The following FER1L5 variants were observed in gnomAD, a reference collection of about 807,000 sequenced individuals.
FER1L5 encodes fer-1 like family member 5.
In FER1L5, 187 loss-of-function variants were observed where a neutral mutation model predicts 279.9. That is an observed-to-expected ratio of 0.67 (90% CI 0.59 to 0.75). FER1L5 has a LOEUF of 0.75. FER1L5 is among the 30% of genes least tolerant of loss of function. The probability of loss-of-function intolerance (pLI) is 0.00; values close to 1 mark genes in which losing one functional copy is unlikely to be tolerated. For synonymous variants in FER1L5, 921 were observed against 989.7 expected, an observed-to-expected ratio of 0.93 and a Z score of 1.30; for missense variants, 2,091 against 2,594.4, an observed-to-expected ratio of 0.81 and a Z score of 4.21.
In FER1L5 at chr2:96,684,445, C is replaced by G. The variant is rs1463665726; in HGVS notation, c.1788C>G (p.Asp596Glu). 22 of 1,551,408 alleles carry G rather than the reference C, an allele frequency of 1.4e-5. No individual in the cohort carries two copies. Among genetic ancestry groups the G allele is most frequent in the Non-Finnish European group, 1.9e-5 (22 of 1,146,840 alleles). Residue 596 changes from aspartate to glutamate, a missense_variant, in exon 20 of 53, where the codon GAC becomes GAG. Physicochemically the swap from Asp to Glu is conservative, Grantham distance 45. Transcript: ENST00000624922. ...TCAACCTCCTCCACTTCACTCGGGA[C>G]CGCCTGGTGAGTGGTGCGGGAGCCG... is the stretch of plus-strand genomic sequence containing the variant. ...NCLNLLHFTR[D>E]RLKANLDTLK...
Position 96,691,249 on chromosome 2 carries a change from GAGA to G in FER1L5, c.2807_2809del (p.Lys936del). 1 of 1,550,420 alleles carries G rather than the reference GAGA, an allele frequency of 6.4e-7. No individual in the cohort carries two copies. Among genetic ancestry groups the G allele is most frequent in the East Asian group, 2.4e-5 (1 of 40,918 alleles). On this transcript the variant is annotated inframe_deletion, in exon 28 of 53. Transcript: ENST00000624922. This position sits in a 1 kb window ranked among gnomAD's most constrained non-coding sequence, Gnocchi z 6.0. ...CCTGCCCCAGGTCTGGAGCCCGGTG[GAGA>G]AGACCTACCACTCGTGCCGCCGCCG...
intron 19 of FER1L5, among the ~76,000 whole-genome samples, chr2:96,682,105 G>C (rs933750716): frequency 6.7e-6 from 1 of 150,272 alleles, no homozygotes; most frequent in Non-Finnish European, 1.5e-5. Flanking sequence ...TGCTGTTTTC[G>C]AGGTGGAGTC....
At chr2:96,677,597 G>A (rs2076555299) in intron 19 of FER1L5, among the ~76,000 whole-genome samples, 1 of 152,018 alleles carries the variant, frequency 6.6e-6, no homozygotes, top group Non-Finnish European at 1.5e-5. Context: ...CGGGCACGGT[G>A]GCTCACTCCT....
At chr2:96,704,430 C>A (rs778528198) in intron 52 of FER1L5, 38 bp from the exon 53 acceptor site, 1 of 1,612,738 alleles carries the variant, frequency 6.2e-7, no homozygotes, top group Admixed American at 1.7e-5. Flanking sequence ...GCGTCTTCAG[C>A]TTGCCACCCC....
rs1306245823 is a variant in FER1L5 at position 96,696,060 on chromosome 2, G to A, written c.4066G>A (p.Glu1356Lys). ...GCGCTCTCCCCGCACAGCGCTGTCTGAGAAGAAGCACCAAGACGTAAGTAA... is the reference window on the plus strand; with the variant it reads ...GCGCTCTCCCCGCACAGCGCTGTCTAAGAAGAAGCACCAAGACGTAAGTAA... ...YMHPKLPTLS[E>K]KKHQDFLGYL... Residue 1356 changes from glutamate to lysine, a missense_variant, in exon 37 of 53, where the codon GAG becomes AAG. Physicochemically the swap from Glu to Lys is moderately conservative, Grantham distance 56. Transcript: ENST00000624922. 1.5e-5 allele frequency: 24 copies of A among 1,613,790 alleles called. No individual in the cohort carries two copies. Among genetic ancestry groups the A allele is most frequent in the Non-Finnish European group, 1.9e-5 (23 of 1,179,904 alleles).
chr2:96,695,852 G>A lies in FER1L5; in HGVS notation c.4005G>A (p.Gln1335=), dbSNP rs2077356085. 1 of 1,613,632 alleles carries A rather than the reference G, an allele frequency of 6.2e-7. No individual in the cohort carries two copies. Among genetic ancestry groups the A allele is most frequent in the Non-Finnish European group, 8.5e-7 (1 of 1,179,792 alleles). Residue 1335 remains glutamine, a synonymous_variant, in exon 36 of 53, where the codon CAG becomes CAA. Transcript: ENST00000624922. ...GCCAGGCCAACATCGACTTCCTCCA[G>A]CCCTACTTCTGTGACCCCTGGGCTC... ...VTGQANIDFL[Q]PYFCDPWAQD...
At chr2:96,655,538 GA>G (rs2106471325) in intron 9 of FER1L5, among the ~76,000 whole-genome samples, 1 of 152,214 alleles carries the variant, frequency 6.6e-6, no homozygotes, top group East Asian at 1.9e-4. Flanking sequence ...ACAATGTTAG[GA>G]AACGGGCACC....
At chr2:96,667,344 A>T (rs1299108815) in intron 14 of FER1L5, among the ~76,000 whole-genome samples, 4 of 149,062 alleles carry the variant, frequency 2.7e-5, no homozygotes, top group Non-Finnish European at 4.5e-5. Context: ...ATTATTATTT[A>T]TTCTTTTTTT....
Position 96,694,332 on chromosome 2 carries a change from G to T in FER1L5, c.3637-28G>T. 6.5e-7 allele frequency: 1 copy of T among 1,530,406 alleles called. No homozygotes were observed. The allele number at this position is 1,530,406 out of a possible 1,614,324, so 94.8% of individuals were successfully genotyped here. A position where few individuals can be genotyped will look rare whatever the true frequency, so the allele number is the denominator to read the frequency against. On this transcript the variant is annotated intron_variant, in intron 33 of 52. Coordinates refer to ENST00000624922, the MANE Select transcript of FER1L5 (RefSeq NM_001293083.2). This position sits in a 1 kb window ranked among gnomAD's most constrained non-coding sequence, Gnocchi z 4.6. The stretch of plus-strand genomic sequence containing the variant: ...GTGAGGGCAGCAGGACCAGCCCAGA[G>T]GGCCTCATGCTCCCTGCCCTCCCCC...
In FER1L5 at chr2:96,702,743, TAACAGGCCTGGGGCGTGAGGGGC is replaced by T. The variant is rs2077633798; in HGVS notation, c.5397+11_5397+33del. On this transcript the variant is annotated splice_donor_5th_base_variant and intron_variant, in intron 48 of 52. Transcript: ENST00000624922. This position sits in a 1 kb window ranked among gnomAD's most constrained non-coding sequence, Gnocchi z 4.0. The stretch of plus-strand genomic sequence containing the variant: ...CGCACGTGTGTCCAGAGCCAGAAGG[TAACAGGCCTGGGGCGTGAGGGGC>T]AACAGGCCACAACAAACAGACCCAG... The T allele has an allele frequency of 6.2e-7, 1 of 1,612,568 alleles. No individual in the cohort carries two copies. Among genetic ancestry groups the T allele is most frequent in the Non-Finnish European group, 8.5e-7 (1 of 1,179,510 alleles).
intron 14 of FER1L5, among the ~76,000 whole-genome samples, chr2:96,664,154 G>A (rs991533089): frequency 6.6e-6 from 1 of 150,708 alleles, no homozygotes; most frequent in Non-Finnish European, 1.5e-5. Context: ...AGAGAGAGAG[G>A]AAGGAGAGAG....
intron 19 of FER1L5, among the ~76,000 whole-genome samples, chr2:96,681,285 T>C (rs2076715313): frequency 6.6e-6 from 1 of 152,178 alleles, no homozygotes; most frequent in African/African-American, 2.4e-5. Context: ...GGTTTGAGGC[T>C]ACAATGAGCC....
chr2:96,691,150 G>A lies in FER1L5; in HGVS notation c.2744-40G>A, dbSNP rs1342921257. ...GTTTGTCCAGGCCTCCCAACCTGCGGGCACCTGAGGACTCAGAGGCCATGG... is the reference window on the plus strand; with the variant it reads ...GTTTGTCCAGGCCTCCCAACCTGCGAGCACCTGAGGACTCAGAGGCCATGG... On this transcript the variant is annotated intron_variant, in intron 27 of 52. Coordinates refer to ENST00000624922, the MANE Select transcript of FER1L5 (RefSeq NM_001293083.2). This position sits in a 1 kb window ranked among gnomAD's most constrained non-coding sequence, Gnocchi z 6.0. 1 of 1,514,294 alleles carries A rather than the reference G, an allele frequency of 6.6e-7. No individual in the cohort carries two copies. Among genetic ancestry groups the A allele is most frequent in the Non-Finnish European group, 8.9e-7 (1 of 1,126,628 alleles). The allele number at this position is 1,514,294 out of a possible 1,614,324, so 93.8% of individuals were successfully genotyped here.
chr2:96,689,813 G>T lies in FER1L5; in HGVS notation c.2640+55G>T. On this transcript the variant is annotated intron_variant, in intron 26 of 52. Coordinates refer to ENST00000624922, the MANE Select transcript of FER1L5 (RefSeq NM_001293083.2). This position sits in a 1 kb window ranked among gnomAD's most constrained non-coding sequence, Gnocchi z 4.6. ...GGGGGCAAGCAAGGCCACCAGGCGG[G>T]GCGCCTTGGAAGCTGGGGGTCCCAG... is the stretch of plus-strand genomic sequence containing the variant. 2 of 1,436,584 alleles carry T rather than the reference G, an allele frequency of 1.4e-6. No individual in the cohort carries two copies. Among genetic ancestry groups the T allele is most frequent in the Non-Finnish European group, 1.9e-6 (2 of 1,070,154 alleles). 89.0% of individuals were successfully genotyped at this position (1,436,584 alleles called of 1,614,324 possible).
chr2:96,687,552 A>G (rs1031873238), intron 23 of FER1L5, among the ~76,000 whole-genome samples: 4 of 152,248 alleles, frequency 2.6e-5, no homozygotes, highest in Non-Finnish European at 4.4e-5. Flanking sequence ...AATGTCCATC[A>G]GTCCCATTGT....
intron 19 of FER1L5, among the ~76,000 whole-genome samples, chr2:96,676,980 T>C (rs1247937068): frequency 1.3e-5 from 2 of 152,228 alleles, no homozygotes; most frequent in Non-Finnish European, 2.9e-5. Flanking sequence ...TAGCTGGGAT[T>C]ACAGGAGTGT....
chr2:96,659,422 T>TC (rs2075820582), intron 9 of FER1L5, among the ~76,000 whole-genome samples: 1 of 10,278 alleles, frequency 9.7e-5, no homozygotes, highest in Non-Finnish European at 1.6e-4. Flanking sequence ...TCTTTCTTTC[T>TC]TTCTTTCTTT....
Position 96,689,198 on chromosome 2 carries a change from G to T in FER1L5, c.2362-15G>T. ...CTAGAGGAGGCGGCCGCCCTGACAAGCTTCCCTCCCCTAGTATGAGAATCA... is the reference window on the plus strand; with the variant it reads ...CTAGAGGAGGCGGCCGCCCTGACAATCTTCCCTCCCCTAGTATGAGAATCA... On this transcript the variant is annotated splice_polypyrimidine_tract_variant and intron_variant, in intron 24 of 52. Coordinates refer to ENST00000624922, the MANE Select transcript of FER1L5 (RefSeq NM_001293083.2). The surrounding 1 kb of genome is among the most constrained non-coding windows in gnomAD (Gnocchi z 4.6). The T allele has an allele frequency of 6.5e-7, 1 of 1,548,996 alleles. No individual in the cohort carries two copies. Among genetic ancestry groups the T allele is most frequent in the South Asian group, 1.2e-5 (1 of 83,860 alleles).
rs2075258107 is a variant in FER1L5, at chr2:96,649,050, G to A, written c.340-573G>A. Among the ~76,000 whole-genome samples the A allele has an allele frequency of 6.6e-5, 10 of 150,918 alleles. No individual in the cohort carries two copies. The South Asian group carries it at 2.1e-3, about 32-fold the overall frequency. ...TTTTGTCACACGGTGGGGGGGTGGG[G>A]TGGAGGTGGGAGAGCTTAGGTTGCA... On this transcript the variant is annotated intron_variant, in intron 4 of 52. Coordinates refer to ENST00000624922, the MANE Select transcript of FER1L5 (RefSeq NM_001293083.2).
Sources: gnomAD v4.1 joint callset for allele counts (sites outside exome capture counted in the v4.1 genomes callset) on GRCh38, gnomAD v4.1.1 for gene constraint, Gnocchi (gnomAD v3.1) non-coding constraint, MANE v1.5 for transcripts, NCBI Gene and HGNC (gene_info 2026-07-23, HGNC 2026-07-21) for gene names.